The following ARHGAP26 variants were observed in gnomAD, a reference collection of about 807,000 sequenced individuals.
ARHGAP26 encodes Rho GTPase activating protein 26.
In ARHGAP26, 38 loss-of-function variants were observed where a neutral mutation model predicts 104.8. That is an observed-to-expected ratio of 0.36 (90% CI 0.28 to 0.48). The LOEUF (loss-of-function observed/expected upper bound fraction) is 0.48, where lower values mean the gene tolerates loss of function less well. ARHGAP26 is among the 20% of genes least tolerant of loss of function. ARHGAP26 has a pLI of 0.99. For synonymous variants in ARHGAP26, 341 were observed against 340.0 expected, an observed-to-expected ratio of 1.00 and a Z score of -0.03; for missense variants, 704 against 947.9, an observed-to-expected ratio of 0.74 and a Z score of 3.38.
intron 4 of ARHGAP26, among the ~76,000 whole-genome samples, chr5:142,879,815 G>C (rs1756688946): frequency 6.6e-6 from 1 of 152,150 alleles, no homozygotes; most frequent in Non-Finnish European, 1.5e-5. Flanking sequence ...ATTGTATTTT[G>C]TGGAGGTCCA....
intron 1 of ARHGAP26, among the ~76,000 whole-genome samples, chr5:142,824,809 AG>A (rs1317473613): frequency 4.6e-5 from 7 of 152,332 alleles, no homozygotes; most frequent in Admixed American, 4.6e-4. Context: ...GGGCACCAAG[AG>A]TGCCACGGAA....
intron 11 of ARHGAP26, among the ~76,000 whole-genome samples, chr5:142,996,731 G>A (rs1267440010): frequency 1.3e-5 from 2 of 152,154 alleles, no homozygotes; most frequent in Admixed American, 6.5e-5. Flanking sequence ...CAAACAGTTA[G>A]AAATGGAGGT....
At chr5:143,055,982 A>G (rs752194427) in intron 15 of ARHGAP26, 46 bp from the exon 16 acceptor site, 2 of 1,372,862 alleles carry the variant, frequency 1.5e-6, no homozygotes, top group South Asian at 2.4e-5. Context: ...AGAGAATATG[A>G]TTATTCTTAT....
intron 1 of ARHGAP26, among the ~76,000 whole-genome samples, chr5:142,837,215 G>C (rs1199968263): frequency 6.6e-6 from 1 of 152,126 alleles, no homozygotes; most frequent in Non-Finnish European, 1.5e-5. Context: ...CTTGGCAAGA[G>C]AAAACAAAAG....
At chr5:143,162,373 T>C (rs555495942) in intron 20 of ARHGAP26, among the ~76,000 whole-genome samples, 17 of 152,228 alleles carry the variant, frequency 1.1e-4, no homozygotes, top group African/African-American at 4.1e-4. Context: ...AGAGGAAATA[T>C]GTCCTTAGTC....
chr5:143,104,834 T>C (rs948074431), intron 17 of ARHGAP26, among the ~76,000 whole-genome samples: 1 of 152,156 alleles, frequency 6.6e-6, no homozygotes, highest in African/African-American at 2.4e-5. Context: ...TCCAACTTGA[T>C]TTGAAATATG....
At chr5:143,083,128 T>G (rs183538341) in intron 17 of ARHGAP26, among the ~76,000 whole-genome samples, 1 of 152,348 alleles carries the variant, frequency 6.6e-6, no homozygotes, top group East Asian at 1.9e-4. Context: ...TTTCTTCGTC[T>G]TCTTCCTTTT....
At chr5:142,845,450 C>T (rs1268297497) in intron 1 of ARHGAP26, among the ~76,000 whole-genome samples, 1 of 152,148 alleles carries the variant, frequency 6.6e-6, no homozygotes, top group African/African-American at 2.4e-5. Flanking sequence ...CCATGCAGTT[C>T]CCCTAGATGG....
At chr5:142,903,153 A>G (rs1760609884) in intron 7 of ARHGAP26, among the ~76,000 whole-genome samples, 1 of 152,144 alleles carries the variant, frequency 6.6e-6, no homozygotes, top group South Asian at 2.1e-4. Context: ...AGCAAGCAAC[A>G]TTCATGGCAG....
At chr5:143,135,644 C>A (rs1011541421) in intron 19 of ARHGAP26, among the ~76,000 whole-genome samples, 4 of 152,152 alleles carry the variant, frequency 2.6e-5, no homozygotes, top group African/African-American at 9.7e-5. Flanking sequence ...TGTGGCTGTA[C>A]CTTGGTATAT....
intron 20 of ARHGAP26, chr5:143,203,839 G>T (rs6860667): frequency 6.6e-6 from 1 of 151,796 alleles, no homozygotes; most frequent in African/African-American, 2.4e-5. Context: ...ACCAAACACC[G>T]CATGTTCTCA....
chr5:142,919,637 T>C (rs1762938677), intron 10 of ARHGAP26, among the ~76,000 whole-genome samples: 1 of 152,182 alleles, frequency 6.6e-6, no homozygotes. Flanking sequence ...TAAATTACCT[T>C]CTTCCTTTCT....
In ARHGAP26 at chr5:143,222,419, C is replaced by G. The variant is rs1031103113; in HGVS notation, c.2253C>G (p.Ile751Met). 6.2e-7 allele frequency: 1 copy of G among 1,602,888 alleles called. No individual in the cohort carries two copies. Among genetic ancestry groups the G allele is most frequent in the Non-Finnish European group, 8.5e-7 (1 of 1,172,042 alleles). ...EGTLNGKTGLIPENYVEFL is the reference protein window; with the variant it reads ...EGTLNGKTGLMPENYVEFL The stretch of plus-strand genomic sequence containing the variant: ...CTCTGAACGGAAAGACTGGCCTCAT[C>G]CCTGAGAATTACGTGGAGTTCCTCT... The change falls in exon 23 of 23, where the codon ATC becomes ATG. Residue 751 changes from isoleucine to methionine, a missense_variant. Around this residue, in one of 6 missense-constraint regions of ARHGAP26, gnomAD observed 217 missense variants for 242.6 expected, o/e 0.89. Transcript: ENST00000645722.
chr5:143,041,722 GA>G (rs34295120), intron 13 of ARHGAP26, 93 bp from the exon 14 acceptor site: 238,632 of 635,534 alleles, frequency 0.38, 18,560 homozygotes, highest in Non-Finnish European at 0.42. Context: ...CTGAGAAAAT[GA>G]AAAAAAAAAA....
chr5:142,929,686 C>T (rs182793220), intron 10 of ARHGAP26, among the ~76,000 whole-genome samples: 3 of 152,298 alleles, frequency 2.0e-5, no homozygotes, highest in Non-Finnish European at 4.4e-5. Context: ...GCCAAGTGGC[C>T]CACCCTTCAC....
At chr5:143,158,166 C>T (rs559055596) in intron 20 of ARHGAP26, among the ~76,000 whole-genome samples, 6 of 152,156 alleles carry the variant, frequency 3.9e-5, no homozygotes, top group East Asian at 3.9e-4. Context: ...GATTTCTTTC[C>T]GTGGTGGCAG....
In ARHGAP26 at chr5:143,121,720, C is replaced by T. The variant is rs192714251; in HGVS notation, c.1698+573C>T. On this transcript the variant is annotated intron_variant, in intron 18 of 22. Transcript: ENST00000645722. Reference sequence around the variant, plus strand: ...GAATTGGGGTTCCTAGTCTTTCTTTCGAAGGTTTTCCTCATCCCCCAATTT... The same window carrying T: ...GAATTGGGGTTCCTAGTCTTTCTTTTGAAGGTTTTCCTCATCCCCCAATTT... 7.9e-4 allele frequency among the ~76,000 whole-genome samples: 120 copies of T among 152,156 alleles called. 1 individual carries two copies. Among genetic ancestry groups the T allele is most frequent in the South Asian group, 6.4e-3 (31 of 4,808 alleles).
At chr5:142,828,669 G>T (rs1044679641) in intron 1 of ARHGAP26, among the ~76,000 whole-genome samples, 19 of 152,186 alleles carry the variant, frequency 1.2e-4, no homozygotes, top group Non-Finnish European at 1.3e-4. Context: ...CATGTGCAGG[G>T]TACTGGTGAT....
chr5:143,222,307 G>C (rs1188079224), intron 22 of ARHGAP26, 51 bp from the exon 23 acceptor site: 2 of 1,358,378 alleles, frequency 1.5e-6, no homozygotes, highest in Non-Finnish European at 1.0e-6. Flanking sequence ...TCTGCCGCCT[G>C]CTCTATCTGT....
Sources: gnomAD v4.1 joint callset for allele counts (sites outside exome capture counted in the v4.1 genomes callset) on GRCh38, gnomAD v4.1.1 for gene constraint, gnomAD v4.1.1 regional missense constraint, MANE v1.5 for transcripts, NCBI Gene and HGNC (gene_info 2026-07-23, HGNC 2026-07-21) for gene names.